The following SIPA1L1 variants were observed in gnomAD, a reference collection of about 807,000 sequenced individuals.
SIPA1L1 encodes signal-induced proliferation-associated 1-like protein 1.
In SIPA1L1, 26 loss-of-function variants were observed where a neutral mutation model predicts 162.7. That is an observed-to-expected ratio of 0.16 (90% confidence interval 0.12 to 0.22). The LOEUF (loss-of-function observed/expected upper bound fraction) is 0.22. Ranked by LOEUF, SIPA1L1 falls within the 10% of genes least tolerant of loss-of-function variation. The probability of loss-of-function intolerance (pLI) is 1.00; values close to 1 mark genes in which losing one functional copy is unlikely to be tolerated. For missense variants in SIPA1L1, 1,874 were observed against 2,241.0 expected (o/e 0.84, Z 3.31); for synonymous variants, 829 against 837.4 (o/e 0.99, Z 0.17).
chr14:71,704,766 A>T (rs1334937662), intron 15 of SIPA1L1: 2 of 1,611,506 alleles, frequency 1.2e-6, no homozygotes, highest in African/African-American at 2.7e-5. Flanking sequence ...TTTGTCCTCG[A>T]GCAGCATGAA....
At chr14:71,430,945 A>G (rs901114500) in intron 2 of SIPA1L1, among the ~76,000 whole-genome samples, 3 of 152,244 alleles carry the variant, frequency 2.0e-5, no homozygotes, top group Admixed American at 1.3e-4. Flanking sequence ...TGAAGGACCT[A>G]TTATTGATAT....
At chr14:71,468,286 G>A (rs1291546512) in intron 2 of SIPA1L1, among the ~76,000 whole-genome samples, 1 of 152,088 alleles carries the variant, frequency 6.6e-6, no homozygotes, top group Non-Finnish European at 1.5e-5. Flanking sequence ...TCATTCTTGC[G>A]TTGCTATAAA....
intron 20 of SIPA1L1, among the ~76,000 whole-genome samples, chr14:71,733,293 G>A (rs2084971939): frequency 6.6e-6 from 1 of 152,194 alleles, no homozygotes; most frequent in Non-Finnish European, 1.5e-5. Context: ...GCTCCCTGTT[G>A]AAGTAGGCCT....
In SIPA1L1 at chr14:71,624,103, A is replaced by G; in HGVS notation, c.1685A>G (p.His562Arg). 1.2e-6 allele frequency: 2 copies of G among 1,613,996 alleles called. No individual in the cohort carries two copies. Among genetic ancestry groups the G allele is most frequent in the East Asian group, 2.2e-5 (1 of 44,882 alleles). Residue 562 changes from histidine to arginine, a missense_variant, in exon 7 of 24, where the codon CAC becomes CGC. Around this residue, in one of 5 missense-constraint regions of SIPA1L1, gnomAD observed 685 missense variants for 828.0 expected, o/e 0.83. Transcript: ENST00000381232. ...GACGCCATTCCGTCGACAGCCAAGC[A>G]CTCGACAGCCAGAGGCCTGCCTCTC... Reference protein sequence around the residue: ...LEDAIPSTAKHSTARGLPLKE... With the variant: ...LEDAIPSTAKRSTARGLPLKE...
intron 3 of SIPA1L1, among the ~76,000 whole-genome samples, chr14:71,520,074 C>T (rs976172226): frequency 6.6e-6 from 1 of 152,054 alleles, no homozygotes; most frequent in Non-Finnish European, 1.5e-5. Context: ...TGCACTCAAG[C>T]CTAGGTGACA....
intron 5 of SIPA1L1, among the ~76,000 whole-genome samples, chr14:71,594,816 A>G (rs2035846039): frequency 6.6e-6 from 1 of 152,204 alleles, no homozygotes; most frequent in African/African-American, 2.4e-5. Flanking sequence ...CTCTCTATGT[A>G]TTCCCTCACA....
intron 2 of SIPA1L1, among the ~76,000 whole-genome samples, chr14:71,352,985 A>T (rs2036868674): frequency 6.6e-6 from 1 of 152,178 alleles, no homozygotes; most frequent in African/African-American, 2.4e-5. Context: ...GTGTGATGGA[A>T]ATGTTCTGTA....
At chr14:71,411,533 G>T (rs1340027970) in intron 2 of SIPA1L1, among the ~76,000 whole-genome samples, 1 of 152,054 alleles carries the variant, frequency 6.6e-6, no homozygotes, top group South Asian at 2.1e-4. Flanking sequence ...CTGATTTCAC[G>T]GGCACCTTGA....
intron 9 of SIPA1L1, among the ~76,000 whole-genome samples, chr14:71,658,882 G>T (rs2043283012): frequency 6.6e-6 from 1 of 152,216 alleles, no homozygotes; most frequent in Admixed American, 6.5e-5. Context: ...AATGTCAACA[G>T]AATGATATTC....
At chr14:71,709,698 C>T in intron 17 of SIPA1L1, 34 bp downstream of exon 17, 2 of 1,574,164 alleles carry the variant, frequency 1.3e-6, no homozygotes, top group Non-Finnish European at 1.7e-6. Flanking sequence ...GATTCCCAGC[C>T]CAGACCTAAG....
At chr14:71,694,820 CAAAAG>C (rs2081504721) in intron 13 of SIPA1L1, among the ~76,000 whole-genome samples, 1 of 152,178 alleles carries the variant, frequency 6.6e-6, no homozygotes, top group African/African-American at 2.4e-5. Flanking sequence ...GGATTTATCT[CAAAAG>C]AGAAGAAAAG....
intron 4 of SIPA1L1, among the ~76,000 whole-genome samples, chr14:71,547,263 A>G (rs575616534): frequency 6.7e-6 from 1 of 149,776 alleles, no homozygotes; most frequent in East Asian, 2.0e-4. Context: ...GGATAGATTC[A>G]TAAGATTCGT....
chr14:71,717,831 G>C (rs2083387760), intron 17 of SIPA1L1, among the ~76,000 whole-genome samples: 1 of 152,172 alleles, frequency 6.6e-6, no homozygotes, highest in East Asian at 1.9e-4. Flanking sequence ...GGCTAATGCA[G>C]TATTTCTTCA....
At chr14:71,378,164 T>C (rs1352404549) in intron 2 of SIPA1L1, among the ~76,000 whole-genome samples, 14 of 152,184 alleles carry the variant, frequency 9.2e-5, no homozygotes, top group Admixed American at 8.5e-4. Context: ...TATGGTACTT[T>C]TAAAGACTCA....
chr14:71,699,037 C>T lies in SIPA1L1; in HGVS notation c.3431C>T (p.Ser1144Phe), dbSNP rs2081880571. ...VTVSSMALAR[S>F]QCRNSPSNLS... is the part of the protein sequence containing the mutation. The stretch of plus-strand genomic sequence containing the variant: ...GTCTCATCCATGGCTTTAGCAAGAT[C>T]CCAGTGTCGGAACTCTCCTAGCAAC... The change falls in exon 14 of 24, where the codon TCC becomes TTC. Residue 1144 changes from serine to phenylalanine, a missense_variant. This residue lies in a region of SIPA1L1 where 936 missense variants were observed against 1,051.9 expected (regional missense o/e 0.89). Transcript: ENST00000381232. 8 of 1,614,028 alleles carry T rather than the reference C, an allele frequency of 5.0e-6. No homozygotes were observed. The highest frequency in any genetic ancestry group is 6.8e-6 in the Non-Finnish European group (8 of 1,179,982).
chr14:71,511,880 G>T (rs980568015), intron 2 of SIPA1L1, among the ~76,000 whole-genome samples: 3 of 152,184 alleles, frequency 2.0e-5, no homozygotes, highest in Non-Finnish European at 2.9e-5. Flanking sequence ...GCCTCAGAGA[G>T]CTCCCGGGTT....
At chr14:71,610,674 A>C (rs1204783002) in intron 5 of SIPA1L1, among the ~76,000 whole-genome samples, 1 of 152,180 alleles carries the variant, frequency 6.6e-6, no homozygotes, top group Non-Finnish European at 1.5e-5. Flanking sequence ...AAAAGTTGGA[A>C]TGTATGTCCT....
At chr14:71,428,369 G>T (rs779959996) in intron 2 of SIPA1L1, among the ~76,000 whole-genome samples, 2 of 150,818 alleles carry the variant, frequency 1.3e-5, no homozygotes, top group Non-Finnish European at 3.0e-5. Flanking sequence ...TATGATTTGC[G>T]GTTTTTTTTT....
chr14:71,704,775 A>C, intron 15 of SIPA1L1: 1 of 1,607,550 alleles, frequency 6.2e-7, no homozygotes, highest in Non-Finnish European at 8.5e-7. Context: ...GAGCAGCATG[A>C]ATATACAGGT....
Sources: allele counts gnomAD v4.1 joint callset (sites outside exome capture counted in the v4.1 genomes callset), GRCh38; gene constraint gnomAD v4.1.1; regional missense constraint gnomAD v4.1.1; transcripts MANE v1.5; gene names NCBI Gene and HGNC (gene_info 2026-07-23, HGNC 2026-07-21).